SPRED2: variants seen among roughly 807,000 people sequenced by gnomAD.
SPRED2 encodes the protein sprouty related EVH1 domain containing 2, also known as sprouty-related, EVH1 domain-containing protein 2.
SPRED2 carries 47 observed loss-of-function variants against 43.0 expected under a neutral mutation model. The observed-to-expected ratio is 1.09, with a 90% CI of 0.87 to 1.40. The LOEUF is 1.40. Ranked by LOEUF, SPRED2 falls within the 40% of genes most tolerant of loss-of-function variation. SPRED2 has a pLI of 0.00. For synonymous variants in SPRED2, 225 were observed against 225.7 expected, an observed-to-expected ratio of 1.00 and a Z score of 0.03; for missense variants, 561 against 586.4, an observed-to-expected ratio of 0.96 and a Z score of 0.45.
At chr2:65,309,966 C>T (rs2104084928), downstream of SPRED2, among the ~76,000 whole-genome samples, 1 of 152,300 alleles carries the variant, frequency 6.6e-6, no homozygotes, top group South Asian at 2.1e-4. Context: ...GTCCTTGCCT[C>T]CTGGGACCGC....
At chr2:65,430,928 G>A (rs898075127) in intron 1 of SPRED2, among the ~76,000 whole-genome samples, 3 of 152,028 alleles carry the variant, frequency 2.0e-5, no homozygotes, top group South Asian at 2.1e-4. Context: ...GCCGCCGCGC[G>A]GTGACCGCTC....
chr2:65,431,232 C>G (rs1676680200), intron 1 of SPRED2, among the ~76,000 whole-genome samples: 1 of 151,770 alleles, frequency 6.6e-6, no homozygotes, highest in Admixed American at 6.6e-5. Context: ...CACACACACG[C>G]GCGCCCCCAG....
intron 1 of SPRED2, among the ~76,000 whole-genome samples, chr2:65,414,268 G>A (rs1558690342): frequency 6.6e-6 from 1 of 152,158 alleles, no homozygotes; most frequent in Admixed American, 6.5e-5. Context: ...TCTCCAAATA[G>A]GGGAAAGGAG....
At position 65,432,093 on chromosome 2, in the gene SPRED2, G is replaced by C. The variant is rs1351029706; in HGVS notation, c.-106C>G. The C allele has an allele frequency of 2.7e-6, 4 of 1,455,714 alleles. No homozygotes were observed. The highest frequency in any genetic ancestry group is 3.8e-6 in the Non-Finnish European group (4 of 1,051,322). 90.2% of individuals were successfully genotyped at this position (1,455,714 alleles called of 1,614,324 possible). A position where few individuals can be genotyped will look rare whatever the true frequency, so the allele number is the denominator to read the frequency against. ...ACATCTCCGGAGATCGCCTGATTTG[G>C]GGAGGGGGGGCGGCTAGAGATGAAG... On this transcript the variant is annotated 5_prime_UTR_variant, in exon 1 of 6. Transcript: ENST00000356388.
intron 1 of SPRED2, among the ~76,000 whole-genome samples, chr2:65,419,450 C>T (rs370258147): frequency 6.6e-6 from 1 of 152,172 alleles, no homozygotes; most frequent in Admixed American, 6.5e-5. Context: ...TCCCTCACCC[C>T]CAAAGAGTGC....
intron 1 of SPRED2, among the ~76,000 whole-genome samples, chr2:65,409,900 C>T (rs1178165179): frequency 6.6e-6 from 1 of 151,650 alleles, no homozygotes; most frequent in African/African-American, 2.4e-5. Flanking sequence ...TGTGGTGGCG[C>T]GTGCCTGTAG....
downstream of SPRED2, chr2:65,308,350 C>G (rs1174185228): frequency 2.0e-6 from 2 of 985,358 alleles, no homozygotes; most frequent in South Asian, 9.4e-5. Flanking sequence ...TCCCAGAAAC[C>G]CAGCCAGCTT....
At position 65,391,580 on chromosome 2, in the gene SPRED2, G is replaced by C. The variant is rs143948582; in HGVS notation, c.26+40382C>G. On this transcript the variant is annotated intron_variant, in intron 1 of 5. Coordinates refer to ENST00000356388, the MANE Select transcript of SPRED2 (RefSeq NM_181784.3). ...CATAATATATCAATAGAATGTTCCA[G>C]GTGGCTTAACCATTGTAATAGGTTC... 3.1e-3 allele frequency among the ~76,000 whole-genome samples: 468 copies of C among 152,308 alleles called. 4 individuals carry two copies. The highest frequency in any genetic ancestry group is 0.011 in the African/African-American group (449 of 41,560).
intron 1 of SPRED2, among the ~76,000 whole-genome samples, chr2:65,368,998 C>A (rs1167299745): frequency 6.6e-6 from 1 of 152,140 alleles, no homozygotes; most frequent in African/African-American, 2.4e-5. Context: ...TAGCCTGAAC[C>A]TGGGAGGCTG....
intron 4 of SPRED2, among the ~76,000 whole-genome samples, chr2:65,323,902 G>A (rs1038224180): frequency 6.6e-6 from 1 of 152,080 alleles, no homozygotes; most frequent in Admixed American, 6.5e-5. Context: ...TCCCAGAAGG[G>A]TTTCTGGGTT....
chr2:65,313,793 C>A lies in SPRED2; in HGVS notation c.965G>T (p.Arg322Leu). The change falls in exon 6 of 6, where the codon CGC becomes CTC. Residue 322 changes from arginine to leucine, a missense_variant. By Grantham distance (102) the Arg-to-Leu change is moderately radical. Around this residue, in one of 6 missense-constraint regions of SPRED2, gnomAD observed 164 missense variants for 164.1 expected, o/e 1.00. Coordinates refer to ENST00000356388, the MANE Select transcript of SPRED2 (RefSeq NM_181784.3). ...GGGCGCGTCCTGGCAGTGGCCCCGG[C>A]GGTTCTCCTCGTGGTTGAACATGTC... The part of the protein sequence containing the change: ...CRDMFNHEEN[R>L]RGHCQDAPDS... The A allele has an allele frequency of 1.2e-6, 2 of 1,614,038 alleles. No homozygotes were observed. Among genetic ancestry groups the A allele is most frequent in the Non-Finnish European group, 1.7e-6 (2 of 1,180,024 alleles).
intron 5 of SPRED2, 77 bp from the exon 6 acceptor site, chr2:65,314,246 C>A: frequency 7.3e-7 from 1 of 1,376,700 alleles, no homozygotes. Context: ...CCCACCTTCT[C>A]CCTCCCTAGC....
chr2:65,347,995 A>G (rs903855821), intron 1 of SPRED2, among the ~76,000 whole-genome samples: 8 of 152,124 alleles, frequency 5.3e-5, no homozygotes, highest in African/African-American at 1.9e-4. Context: ...TAGAAAGGTA[A>G]GTCAGATCAT....
chr2:65,400,951 C>T (rs116522116), intron 1 of SPRED2, among the ~76,000 whole-genome samples: 237 of 151,788 alleles, frequency 1.6e-3, no homozygotes, highest in African/African-American at 5.0e-3. Flanking sequence ...GTTTTTATTC[C>T]TTATCATCAT....
At chr2:65,339,097 T>G (rs1674092477) in intron 2 of SPRED2, among the ~76,000 whole-genome samples, 5 of 48,798 alleles carry the variant, frequency 1.0e-4, no homozygotes, top group East Asian at 9.8e-4. Flanking sequence ...GGAGGGAGGT[T>G]GGGCGGGGGG....
chr2:65,333,915 A>G (rs528267081), intron 3 of SPRED2, among the ~76,000 whole-genome samples: 31 of 152,338 alleles, frequency 2.0e-4, no homozygotes, highest in African/African-American at 7.2e-4. Context: ...TGGTATTAAC[A>G]TGCCTTGCTT....
At chr2:65,321,976 G>C (rs1673426352) in intron 4 of SPRED2, among the ~76,000 whole-genome samples, 2 of 151,600 alleles carry the variant, frequency 1.3e-5, no homozygotes, top group South Asian at 4.2e-4. Flanking sequence ...GGTTTCACCA[G>C]GTTGCCCAGG....
At chr2:65,424,596 C>T (rs1676515032) in intron 1 of SPRED2, among the ~76,000 whole-genome samples, 1 of 151,984 alleles carries the variant, frequency 6.6e-6, no homozygotes, top group Admixed American at 6.6e-5. Flanking sequence ...CCCTGCACTC[C>T]AGCCTGGGCA....
In SPRED2 at chr2:65,346,948, G is replaced by A. The variant is rs1162042874; in HGVS notation, c.27-2052C>T. ...CATGGAGGATTCCTCCAATTCCCTGGCCTCTCAGTGTCTGGGCCTGTTTCC... is the reference window on the plus strand; with the variant it reads ...CATGGAGGATTCCTCCAATTCCCTGACCTCTCAGTGTCTGGGCCTGTTTCC... On this transcript the variant is annotated intron_variant, in intron 1 of 5. Transcript: ENST00000356388. Among the ~76,000 whole-genome samples the A allele has an allele frequency of 3.9e-5, 6 of 152,154 alleles. No individual in the cohort carries two copies. The East Asian group carries it at 9.6e-4, about 24-fold the overall frequency.
Sources: allele counts gnomAD v4.1 joint callset (sites outside exome capture counted in the v4.1 genomes callset), GRCh38; gene constraint gnomAD v4.1.1; regional missense constraint gnomAD v4.1.1; transcripts MANE v1.5; gene names NCBI Gene and HGNC (gene_info 2026-07-23, HGNC 2026-07-21).